The following PCDH11X variants were observed in gnomAD, a reference collection of about 807,000 sequenced individuals.
PCDH11X encodes the protein protocadherin-11 X-linked.
Under a neutral mutation model 53.3 loss-of-function variants are expected in PCDH11X, and 18 were observed. The observed-to-expected ratio is 0.34, with a 90% CI of 0.23 to 0.50. The LOEUF (loss-of-function observed/expected upper bound fraction) is 0.50, where lower values mean the gene tolerates loss of function less well. PCDH11X is among the 20% of genes least tolerant of loss of function. The probability of loss-of-function intolerance (pLI) is 0.98; values close to 1 mark genes in which losing one functional copy is unlikely to be tolerated. For missense variants in PCDH11X, 570 were observed against 1,032.4 expected (o/e 0.55, Z 6.14); for synonymous variants, 279 against 393.3 (o/e 0.71, Z 3.44).
intron 6 of PCDH11X, among the ~76,000 whole-genome samples, chrX:91,964,895 C>G (rs1221506352): frequency 8.9e-6 from 1 of 111,956 alleles, no homozygotes; most frequent in Non-Finnish European, 1.9e-5. Context: ...AAGGGCAGAG[C>G]TGAAGGAAAC....
chrX:92,222,227 T>G (rs2148357255), intron 7 of PCDH11X, among the ~76,000 whole-genome samples: 1 of 111,491 alleles, frequency 9.0e-6, no homozygotes, highest in African/African-American at 3.3e-5. Context: ...TTTGGAAGAT[T>G]ACTCAATGTA....
At chrX:92,564,753 C>T (rs1018813728) in intron 10 of PCDH11X, among the ~76,000 whole-genome samples, 5 of 111,117 alleles carry the variant, frequency 4.5e-5, no homozygotes, top group African/African-American at 1.6e-4. Context: ...GCAACCAAAG[C>T]AAAAATGGAC....
chrX:91,931,147 T>TGTGTGTGTGTGTCGTGTGC (rs1942122710), intron 6 of PCDH11X, among the ~76,000 whole-genome samples: 1 of 108,552 alleles, frequency 9.2e-6, no homozygotes, highest in Non-Finnish European at 1.9e-5. Context: ...TGTGTGTGTG[T>TGTGTGTGTGTGTCGTGTGC]GTGTGTGTGT....
intron 6 of PCDH11X, among the ~76,000 whole-genome samples, chrX:92,020,692 G>C (rs2062869916): frequency 9.0e-6 from 1 of 111,066 alleles, no homozygotes; most frequent in Non-Finnish European, 1.9e-5. Flanking sequence ...CCAAGAAACA[G>C]TCAAAGTGCT....
intron 7 of PCDH11X, among the ~76,000 whole-genome samples, chrX:92,225,387 A>C (rs2066951929): frequency 1.8e-5 from 2 of 110,939 alleles, no homozygotes; most frequent in Non-Finnish European, 3.8e-5. Flanking sequence ...TCCTGAGGAA[A>C]TAAACTGGAA....
intron 5 of PCDH11X, among the ~76,000 whole-genome samples, chrX:91,837,571 A>G (rs910082707): frequency 9.0e-6 from 1 of 111,456 alleles, no homozygotes; most frequent in African/African-American, 3.3e-5. Flanking sequence ...TAATTTCTTC[A>G]GTCATAATAT....
At chrX:92,348,709 T>C (rs909214124) in intron 8 of PCDH11X, among the ~76,000 whole-genome samples, 4 of 108,675 alleles carry the variant, frequency 3.7e-5, no homozygotes, top group African/African-American at 1.3e-4. Flanking sequence ...GTCAATTTTG[T>C]ATTTTTAGTA....
intron 8 of PCDH11X, among the ~76,000 whole-genome samples, chrX:92,331,777 T>G (rs1481359221): frequency 2.2e-4 from 24 of 111,175 alleles, no homozygotes; most frequent in African/African-American, 7.5e-4. Flanking sequence ...GTTTGAAAAT[T>G]ATGTCCTCTA....
chrX:92,206,474 C>T (rs921831177), intron 7 of PCDH11X, among the ~76,000 whole-genome samples: 1 of 110,851 alleles, frequency 9.0e-6, no homozygotes, highest in Admixed American at 9.7e-5. Flanking sequence ...ATTTAGATGC[C>T]AATTAATTAA....
At chrX:92,226,397 TC>T (rs2066972228) in intron 7 of PCDH11X, among the ~76,000 whole-genome samples, 1 of 111,503 alleles carries the variant, frequency 9.0e-6, no homozygotes, top group Non-Finnish European at 1.9e-5. Flanking sequence ...ATTCTTCTTG[TC>T]CTGTCTATGC....
intron 10 of PCDH11X, among the ~76,000 whole-genome samples, chrX:92,574,712 C>T (rs1450032725): frequency 9.0e-6 from 1 of 111,067 alleles, no homozygotes; most frequent in African/African-American, 3.3e-5. Flanking sequence ...AGTGATTAGA[C>T]TTACTAATTA....
At chrX:92,233,239 T>A (rs757504957) in intron 7 of PCDH11X, among the ~76,000 whole-genome samples, 3 of 111,639 alleles carry the variant, frequency 2.7e-5, no homozygotes, top group East Asian at 5.7e-4. Context: ...ATGTTTTTTT[T>A]ATCCTATTGT....
At chrX:92,570,320 A>T (rs1922052685) in intron 10 of PCDH11X, among the ~76,000 whole-genome samples, 1 of 112,173 alleles carries the variant, frequency 8.9e-6, no homozygotes, top group African/African-American at 3.2e-5. Flanking sequence ...TTGAAACTAT[A>T]TTAATCCATA....
chrX:91,984,813 T>A (rs1475484248), intron 6 of PCDH11X, among the ~76,000 whole-genome samples: 1 of 111,680 alleles, frequency 9.0e-6, no homozygotes, highest in African/African-American at 3.3e-5. Flanking sequence ...TGGCATTTTT[T>A]AAAATCCAAC....
chrX:92,375,355 G>T (rs6618996), intron 8 of PCDH11X, among the ~76,000 whole-genome samples: 2 of 96,133 alleles, frequency 2.1e-5, no homozygotes, highest in African/African-American at 3.8e-5. Context: ...TTTTTTTGTA[G>T]TTTTAGTAGA....
At chrX:91,817,497 G>C (rs1936491428) in intron 4 of PCDH11X, among the ~76,000 whole-genome samples, 1 of 109,918 alleles carries the variant, frequency 9.1e-6, no homozygotes, top group South Asian at 3.9e-4. Context: ...AGGCATAGTT[G>C]AAGGTTACTG....
intron 8 of PCDH11X, among the ~76,000 whole-genome samples, chrX:92,282,140 G>A (rs1176842968): frequency 9.1e-6 from 1 of 110,356 alleles, no homozygotes; most frequent in East Asian, 2.8e-4. Context: ...AGGGAGTGGG[G>A]GAATAAGAAG....
Position 92,204,745 on chromosome X carries a change from C to T in PCDH11X, c.3114+3290C>T, listed in dbSNP as rs1336950526. 7.1e-5 allele frequency among the ~76,000 whole-genome samples: 8 copies of T among 111,978 alleles called. No individual in the cohort carries two copies. In the East Asian group the frequency reaches 1.1e-3, roughly 16 times the overall value. ...AATTTACGGTATTAGTCCGTTCTCA[C>T]GCTGCTATGAAGAAATACCCGAGAC... On this transcript the variant is annotated intron_variant, in intron 7 of 10. Transcript: ENST00000682573.
chrX:92,563,239 A>T (rs1393311765), intron 10 of PCDH11X, among the ~76,000 whole-genome samples: 4 of 107,260 alleles, frequency 3.7e-5, no homozygotes, highest in Non-Finnish European at 5.8e-5. Context: ...GGGAGCAATT[A>T]TGTCACATGG....
Sources: gnomAD v4.1 joint callset for allele counts (sites outside exome capture counted in the v4.1 genomes callset) on GRCh38, gnomAD v4.1.1 for gene constraint, MANE v1.5 for transcripts, NCBI Gene and HGNC (gene_info 2026-07-23, HGNC 2026-07-21) for gene names.